The following SERPINB6 variants were observed in gnomAD, a reference collection of about 807,000 sequenced individuals.
The protein encoded by SERPINB6 is serpin family B member 6.
A neutral mutation model predicts 26.1 loss-of-function variants in SERPINB6; 16 were observed. That is an observed-to-expected ratio of 0.61 (90% CI 0.42 to 0.93). The LOEUF is 0.93. Among genes scored for constraint, SERPINB6 ranks in the 40% least tolerant of loss-of-function variants. SERPINB6 has a pLI of 0.00. For synonymous variants in SERPINB6, 174 were observed against 176.6 expected, an observed-to-expected ratio of 0.99 and a Z score of 0.11; for missense variants, 420 against 478.0, an observed-to-expected ratio of 0.88 and a Z score of 1.13.
At chr6:2,959,708 C>T (rs1035912623) in intron 1 of SERPINB6, 9 of 321,512 alleles carry the variant, frequency 2.8e-5, no homozygotes, top group East Asian at 7.7e-5. Context: ...GTGTGTTTTG[C>T]GGGCTTAAAT....
chr6:2,953,333 T>G, intron 4 of SERPINB6, 147 bp from the exon 5 acceptor site: 1 of 1,088,630 alleles, frequency 9.2e-7, no homozygotes, highest in South Asian at 1.3e-5. Flanking sequence ...ATACGTGTCC[T>G]TAAAGCAAAA....
upstream of SERPINB6, chr6:2,971,741 T>C (rs1438521532): frequency 6.6e-6 from 1 of 152,196 alleles, no homozygotes; most frequent in Non-Finnish European, 1.5e-5. Flanking sequence ...GGCCTTGACT[T>C]TGACCACAGT....
intron 4 of SERPINB6, among the ~76,000 whole-genome samples, chr6:2,954,206 G>A (rs1449373473): frequency 6.6e-6 from 1 of 151,762 alleles, no homozygotes; most frequent in Non-Finnish European, 1.5e-5. Context: ...GGCAACTGTA[G>A]ACTGTGCTAC....
chr6:2,959,211 A>T lies in SERPINB6; in HGVS notation c.122T>A (p.Val41Asp), dbSNP rs755289908. 1.2e-6 allele frequency: 2 copies of T among 1,614,170 alleles called. No individual in the cohort carries two copies. The highest frequency in any genetic ancestry group is 1.6e-4 in the Middle Eastern group (1 of 6,062). The change falls in exon 2 of 7, where the codon GTC (valine) becomes GAC (aspartate). Residue 41 changes from valine (V) to aspartate (D), a missense_variant. Val to Asp is a radical substitution (Grantham distance 152). Coordinates refer to ENST00000380539, the MANE Select transcript of SERPINB6 (RefSeq NM_004568.6). ...GGTGTTTCCCTTTGCCCCCATGTAGACCATGGCCAGGGCACAGGACATGCT... is the reference window on the plus strand; with the variant it reads ...GGTGTTTCCCTTTGCCCCCATGTAGTCCATGGCCAGGGCACAGGACATGCT... ...PMSMSCALAM[V>D]YMGAKGNTAA...
At position 2,955,607 on chromosome 6, in the gene SERPINB6, T is replaced by C. The variant is rs772566054; in HGVS notation, c.229A>G (p.Thr77Ala). 1.2e-6 allele frequency: 2 copies of C among 1,614,160 alleles called. No homozygotes were observed. The highest frequency in any genetic ancestry group is 8.5e-7 in the Non-Finnish European group (1 of 1,180,016). Residue 77 changes from threonine to alanine, a missense_variant, in exon 3 of 7, where the codon ACC becomes GCC. Coordinates refer to ENST00000380539, the MANE Select transcript of SERPINB6 (RefSeq NM_004568.6). ...DIHQGFQSLL[T>A]EVNKTGTQYL... ...TGCGTGCCAGTCTTGTTCACTTCGG[T>C]GAGAAGAGACTGGAAGCCCTGGTGG... is the stretch of plus-strand genomic sequence containing the variant.
chr6:2,953,017 C>A (rs763763465), intron 5 of SERPINB6, 27 bp downstream of exon 5: 6 of 1,613,920 alleles, frequency 3.7e-6, no homozygotes, highest in Non-Finnish European at 5.1e-6. Flanking sequence ...AACACAGGCG[C>A]TGCTCCTGTC....
At chr6:2,962,246 T>C in intron 1 of SERPINB6, 1 of 979,592 alleles carries the variant, frequency 1.0e-6, no homozygotes, top group Non-Finnish European at 1.2e-6. Flanking sequence ...TCGGTGCACA[T>C]GAGTTTCACT....
In SERPINB6 at chr6:2,952,998, G is replaced by A. The variant is rs1561673992; in HGVS notation, c.573+46C>T. 5 of 1,612,804 alleles carry A rather than the reference G, an allele frequency of 3.1e-6. No individual in the cohort carries two copies. The East Asian group carries it at 8.9e-5, about 29-fold the overall frequency. On this transcript the variant is annotated intron_variant, in intron 5 of 6. Coordinates refer to ENST00000380539, the MANE Select transcript of SERPINB6 (RefSeq NM_004568.6). Reference sequence around the variant, plus strand: ...ACGCGGGAGGCCCCGAGCCGGAGACGCTCGTGTGAACACAGGCGCTGCTCC... The same window carrying A: ...ACGCGGGAGGCCCCGAGCCGGAGACACTCGTGTGAACACAGGCGCTGCTCC...
intron 1 of SERPINB6, among the ~76,000 whole-genome samples, chr6:2,966,133 T>A (rs1193327975): frequency 6.6e-6 from 1 of 152,140 alleles, no homozygotes; most frequent in Non-Finnish European, 1.5e-5. Flanking sequence ...GGCCTTTAAG[T>A]TGGTTTTTAC....
chr6:2,970,137 T>C, intron 1 of SERPINB6: 1 of 984,550 alleles, frequency 1.0e-6, no homozygotes, highest in Non-Finnish European at 1.2e-6. Context: ...AAATGTAAGG[T>C]GTGTGGTCTT....
At position 2,948,964 on chromosome 6, in the gene SERPINB6, C is replaced by A. The variant is rs1201327476; in HGVS notation, c.679G>T (p.Glu227Ter). 2 of 1,614,232 alleles carry A rather than the reference C, an allele frequency of 1.2e-6. No homozygotes were observed. The highest frequency in any genetic ancestry group is 2.2e-5 in the East Asian group (1 of 44,890). ...GGAAGCATGATGATCATATTCAGTT[C>A]CTTGCCAACATATGGAAGCACCAAG... ...QILVLPYVGK[E>*]LNMIIMLPDE... Residue 227 changes from glutamate (E) to a stop codon, truncating the protein, a stop_gained, in exon 6 of 7, where the codon GAA (glutamate) becomes TAA (stop). Transcript: ENST00000380539. LOFTEE classifies it low-confidence loss of function (END_TRUNC). The surrounding 1 kb of genome is among the most constrained non-coding windows in gnomAD (Gnocchi z 5.0).
intron 1 of SERPINB6, chr6:2,968,916 G>A (rs1771879233): frequency 1.6e-6 from 2 of 1,226,364 alleles, no homozygotes. Context: ...GTGGTGTTCT[G>A]GAAGGAGATG....
chr6:2,969,593 T>C, intron 1 of SERPINB6: 2 of 985,434 alleles, frequency 2.0e-6, no homozygotes, highest in Non-Finnish European at 1.2e-6. Context: ...ATGTTCACAA[T>C]TGATTTTATT....
chr6:2,962,090 G>C (rs958427768), intron 1 of SERPINB6: 17 of 985,236 alleles, frequency 1.7e-5, no homozygotes, highest in Non-Finnish European at 2.0e-5. Flanking sequence ...CTCCGTCTCC[G>C]GTAATATCCC....
chr6:2,969,947 C>T (rs1771978374), intron 1 of SERPINB6: 5 of 736,008 alleles, frequency 6.8e-6, no homozygotes, highest in Non-Finnish European at 8.3e-6. Context: ...CCAGCCTGGC[C>T]AGCATGGTGA....
At chr6:2,953,253 G>A in intron 4 of SERPINB6, 67 bp from the exon 5 acceptor site, 3 of 1,606,094 alleles carry the variant, frequency 1.9e-6, no homozygotes, top group Non-Finnish European at 2.6e-6. Context: ...ATCAGGAATC[G>A]GCTGGGGCCT....
intron 1 of SERPINB6, chr6:2,961,894 G>A (rs1323903968): frequency 3.0e-6 from 3 of 984,780 alleles, no homozygotes; most frequent in Non-Finnish European, 3.6e-6. Flanking sequence ...GGACTCTTAC[G>A]CTTTTTTTTT....
rs1769420819 is a variant in SERPINB6, at chr6:2,948,764, T to C, written c.730-65A>G. ...TGCTGCCCAGCAGGGCCCTGTGCTA[T>C]GCTGTGGATGCCAGACACCAGTGGC... On this transcript the variant is annotated intron_variant, in intron 6 of 6. Transcript: ENST00000380539. This position sits in a 1 kb window ranked among gnomAD's most constrained non-coding sequence, Gnocchi z 5.0. 1 of 1,575,164 alleles carries C rather than the reference T, an allele frequency of 6.3e-7. No homozygotes were observed. Among genetic ancestry groups the C allele is most frequent in the Non-Finnish European group, 8.7e-7 (1 of 1,145,890 alleles).
chr6:2,956,068 C>G (rs1356773903), intron 2 of SERPINB6: 1 of 189,278 alleles, frequency 5.3e-6, no homozygotes, highest in African/African-American at 2.4e-5. Flanking sequence ...GAGTGAGACT[C>G]CGTCTCAAAA....
Sources: gnomAD v4.1 joint callset for allele counts (sites outside exome capture counted in the v4.1 genomes callset) on GRCh38, gnomAD v4.1.1 for gene constraint, Gnocchi (gnomAD v3.1) non-coding constraint, MANE v1.5 for transcripts, NCBI Gene and HGNC (gene_info 2026-07-23, HGNC 2026-07-21) for gene names.